TENM3: variants seen among roughly 807,000 people sequenced by gnomAD.
The protein encoded by TENM3 is teneurin transmembrane protein 3.
TENM3 carries 63 observed loss-of-function variants against 255.1 expected under a neutral mutation model. That is an observed-to-expected ratio of 0.25 (90% CI 0.20 to 0.30). The LOEUF is 0.30. Among genes scored for constraint, TENM3 ranks in the 10% least tolerant of loss-of-function variants. TENM3 has a pLI of 1.00. For synonymous variants in TENM3, 1,306 were observed against 1,322.3 expected (o/e 0.99, Z 0.27); for missense variants, 2,929 against 3,461.1 (o/e 0.85, Z 3.86).
chr4:182,028,005 TCTA>T, the TENM3 span, among the ~76,000 whole-genome samples: 1 of 152,142 alleles, frequency 6.6e-6, no homozygotes, highest in African/African-American at 2.4e-5. Context: ...GGAAGCATTG[TCTA>T]CTCCTTTACT....
the TENM3 span, among the ~76,000 whole-genome samples, chr4:181,864,148 A>G: frequency 1.3e-5 from 2 of 152,294 alleles, no homozygotes; most frequent in East Asian, 3.9e-4. Flanking sequence ...GATGAATAGC[A>G]TCTTCCACCA....
In TENM3 at chr4:182,527,447, G is replaced by A. The variant is rs144622523; in HGVS notation, c.512-73477G>A. On this transcript the variant is annotated intron_variant, in intron 3 of 27. Transcript: ENST00000511685. ...TGTTACTAAAACAAACCAAAAAAAAGGGTATTTAATTATGTAGATTAAGGG... is the reference window on the plus strand; with the variant it reads ...TGTTACTAAAACAAACCAAAAAAAAAGGTATTTAATTATGTAGATTAAGGG... Among the ~76,000 whole-genome samples the A allele has an allele frequency of 5.0e-3, 750 of 151,474 alleles. 6 individuals carry two copies. Among genetic ancestry groups the A allele is most frequent in the African/African-American group, 0.017 (715 of 41,328 alleles).
chr4:181,731,904 C>T, the TENM3 span, among the ~76,000 whole-genome samples: 1 of 152,110 alleles, frequency 6.6e-6, no homozygotes, highest in Non-Finnish European at 1.5e-5. Flanking sequence ...TCCTACCTCC[C>T]TGGGCACCAG....
chr4:182,000,543 A>C, the TENM3 span, among the ~76,000 whole-genome samples: 17 of 152,108 alleles, frequency 1.1e-4, no homozygotes, highest in Admixed American at 2.6e-4. Context: ...CTTTCAGGTG[A>C]TATTGCTGTC....
intron 3 of TENM3, among the ~76,000 whole-genome samples, chr4:182,408,607 C>G (rs533618754): frequency 2.2e-4 from 33 of 152,300 alleles, no homozygotes; most frequent in African/African-American, 7.9e-4. Flanking sequence ...GGTTGGTTAA[C>G]ATCACCTAAC....
At chr4:181,953,821 T>C in the TENM3 span, among the ~76,000 whole-genome samples, 1 of 152,164 alleles carries the variant, frequency 6.6e-6, no homozygotes, top group Non-Finnish European at 1.5e-5. Flanking sequence ...AATTCACCCA[T>C]TTAAGTGTGT....
chr4:182,262,610 C>A (rs1758880344), intron 1 of TENM3, among the ~76,000 whole-genome samples: 1 of 152,088 alleles, frequency 6.6e-6, no homozygotes, highest in African/African-American at 2.4e-5. Context: ...ATGAATAATC[C>A]ACCCCTTGTT....
chr4:181,464,819 C>T, the TENM3 span, among the ~76,000 whole-genome samples: 1 of 152,062 alleles, frequency 6.6e-6, no homozygotes, highest in Non-Finnish European at 1.5e-5. Context: ...GGCATGGTGG[C>T]TCATGCCTGT....
chr4:182,380,841 A>G (rs1447521149), intron 3 of TENM3, among the ~76,000 whole-genome samples: 2 of 152,196 alleles, frequency 1.3e-5, no homozygotes, highest in African/African-American at 4.8e-5. Flanking sequence ...GGCTTTGGCT[A>G]AGGTCCCAGA....
chr4:181,645,963 A>T, the TENM3 span, among the ~76,000 whole-genome samples: 2 of 152,354 alleles, frequency 1.3e-5, no homozygotes, highest in African/African-American at 4.8e-5. Flanking sequence ...TGCTGCCCAC[A>T]TGATCTTTCA....
the TENM3 span, among the ~76,000 whole-genome samples, chr4:181,959,431 G>A: frequency 6.6e-6 from 1 of 152,194 alleles, no homozygotes; most frequent in East Asian, 1.9e-4. Context: ...CATTATGTGT[G>A]AAGAAGGAAG....
the TENM3 span, among the ~76,000 whole-genome samples, chr4:181,991,340 A>G: frequency 6.6e-6 from 1 of 152,144 alleles, no homozygotes; most frequent in Non-Finnish European, 1.5e-5. Context: ...CTCAGGTTCA[A>G]TATGGATTCG....
At chr4:181,663,538 T>C in the TENM3 span, among the ~76,000 whole-genome samples, 12 of 152,210 alleles carry the variant, frequency 7.9e-5, no homozygotes, top group Admixed American at 2.6e-4. Context: ...AAAAGCTGGG[T>C]AGAATTTAAC....
At chr4:182,598,422 C>T (rs781352075) in intron 3 of TENM3, among the ~76,000 whole-genome samples, 6 of 152,248 alleles carry the variant, frequency 3.9e-5, no homozygotes, top group East Asian at 1.9e-4. Context: ...GTGTCTTGTA[C>T]GCTGTAAGTT....
At chr4:181,609,542 C>T in the TENM3 span, among the ~76,000 whole-genome samples, 1 of 152,320 alleles carries the variant, frequency 6.6e-6, no homozygotes, top group African/African-American at 2.4e-5. Context: ...GATTCAATTT[C>T]CTTTATGTGA....
At chr4:182,671,197 A>C (rs563553041) in intron 6 of TENM3, among the ~76,000 whole-genome samples, 2 of 152,284 alleles carry the variant, frequency 1.3e-5, no homozygotes, top group Admixed American at 1.3e-4. Context: ...GTAACGGTGC[A>C]ATCATTATGT....
At chr4:182,681,649 T>G (rs1756186372) in intron 10 of TENM3, among the ~76,000 whole-genome samples, 165 bp from the exon 11 acceptor site, 1 of 152,252 alleles carries the variant, frequency 6.6e-6, no homozygotes, top group African/African-American at 2.4e-5. Flanking sequence ...AATGCTTTAT[T>G]GTATTATAAT....
chr4:181,888,618 G>GTGTGTGT, the TENM3 span, among the ~76,000 whole-genome samples: 1 of 111,774 alleles, frequency 8.9e-6, no homozygotes, highest in South Asian at 3.2e-4. Flanking sequence ...GTGTGTGTGT[G>GTGTGTGT]GAAAGAGAGA....
At chr4:182,488,893 A>G (rs755286477) in intron 3 of TENM3, among the ~76,000 whole-genome samples, 1 of 152,160 alleles carries the variant, frequency 6.6e-6, no homozygotes, top group Non-Finnish European at 1.5e-5. Context: ...CGGAGGTAGC[A>G]AGGGGTGAGG....
Sources: gnomAD v4.1 joint callset for allele counts (sites outside exome capture counted in the v4.1 genomes callset) on GRCh38, gnomAD v4.1.1 for gene constraint, MANE v1.5 for transcripts, NCBI Gene and HGNC (gene_info 2026-07-23, HGNC 2026-07-21) for gene names.